C1orf21: variants seen among roughly 807,000 people sequenced by gnomAD.
The protein encoded by C1orf21 is chromosome 1 open reading frame 21, also known as uncharacterized protein C1orf21.
In C1orf21, 3 loss-of-function variants were observed where a neutral mutation model predicts 18.7. That is an observed-to-expected ratio of 0.16 (90% CI 0.07 to 0.42). C1orf21 has a LOEUF of 0.42. C1orf21 is among the 10% of genes least tolerant of loss of function. The pLI is 0.99. For missense variants in C1orf21, 104 were observed against 143.6 expected (o/e 0.72, Z 1.41); for synonymous variants, 41 against 46.4 (o/e 0.88, Z 0.47).
At chr1:184,512,688 T>A (rs1305112714) in intron 3 of C1orf21, among the ~76,000 whole-genome samples, 1 of 152,178 alleles carries the variant, frequency 6.6e-6, no homozygotes, top group Non-Finnish European at 1.5e-5. Context: ...CATTTCTAGC[T>A]TTATAATTTT....
At chr1:184,402,340 A>C (rs1656170076) in intron 1 of C1orf21, among the ~76,000 whole-genome samples, 1 of 149,792 alleles carries the variant, frequency 6.7e-6, no homozygotes. Context: ...TTTTTGCAAC[A>C]TGGCTATCTG....
At chr1:184,587,422 TG>T (rs1202122210) in intron 3 of C1orf21, among the ~76,000 whole-genome samples, 1 of 152,010 alleles carries the variant, frequency 6.6e-6, no homozygotes, top group East Asian at 1.9e-4. Context: ...TCCATAAACG[TG>T]GAATGTTTTT....
chr1:184,614,901 A>G (rs933147210), intron 5 of C1orf21, among the ~76,000 whole-genome samples: 1 of 152,144 alleles, frequency 6.6e-6, no homozygotes, highest in African/African-American at 2.4e-5. Context: ...CGCTCACTTC[A>G]TGCTGTGTGG....
intron 3 of C1orf21, among the ~76,000 whole-genome samples, chr1:184,586,922 C>T (rs938287057): frequency 6.6e-6 from 1 of 152,116 alleles, no homozygotes; most frequent in Non-Finnish European, 1.5e-5. Context: ...TTGGGTTTTA[C>T]ATTTAAGCCT....
chr1:184,569,703 A>G (rs1457222066), intron 3 of C1orf21, among the ~76,000 whole-genome samples: 2 of 152,234 alleles, frequency 1.3e-5, no homozygotes, highest in Non-Finnish European at 2.9e-5. Flanking sequence ...AAAAAATAAA[A>G]TAGATAATAA....
chr1:184,531,564 G>C (rs924928490), intron 3 of C1orf21, among the ~76,000 whole-genome samples: 1 of 152,014 alleles, frequency 6.6e-6, no homozygotes, highest in Non-Finnish European at 1.5e-5. Flanking sequence ...GATGTCCAAG[G>C]TTTATTTAAG....
intron 4 of C1orf21, among the ~76,000 whole-genome samples, chr1:184,591,577 C>T (rs371427843): frequency 4.6e-5 from 7 of 152,076 alleles, no homozygotes; most frequent in East Asian, 1.9e-4. Context: ...GAGGCCAAGG[C>T]GGGAGGATCA....
chr1:184,421,710 A>G (rs1656549648), intron 1 of C1orf21, among the ~76,000 whole-genome samples: 2 of 152,218 alleles, frequency 1.3e-5, no homozygotes, highest in South Asian at 4.1e-4. Flanking sequence ...GTCTTAAAAA[A>G]TAAATCATAG....
intron 1 of C1orf21, among the ~76,000 whole-genome samples, chr1:184,432,431 A>G (rs774773455): frequency 1.3e-5 from 2 of 152,152 alleles, no homozygotes; most frequent in Non-Finnish European, 2.9e-5. Flanking sequence ...AGAAAACCAA[A>G]CACTGCATGT....
chr1:184,424,481 C>T (rs1656600491), intron 1 of C1orf21, among the ~76,000 whole-genome samples: 1 of 152,164 alleles, frequency 6.6e-6, no homozygotes, highest in Non-Finnish European at 1.5e-5. Context: ...GATAACCCTT[C>T]CCAAACGTTC....
chr1:184,547,123 T>G (rs1213001336), intron 3 of C1orf21, among the ~76,000 whole-genome samples: 2 of 152,096 alleles, frequency 1.3e-5, no homozygotes, highest in Non-Finnish European at 2.9e-5. Flanking sequence ...CCTGGGATAT[T>G]CCAGGAACTG....
intron 3 of C1orf21, among the ~76,000 whole-genome samples, chr1:184,524,491 T>G (rs1658350825): frequency 6.6e-6 from 1 of 152,056 alleles, no homozygotes. Context: ...GAACATTGCA[T>G]AAGATGGAAA....
At chr1:184,404,348 C>G (rs1338708460) in intron 1 of C1orf21, among the ~76,000 whole-genome samples, 2 of 152,080 alleles carry the variant, frequency 1.3e-5, no homozygotes, top group Admixed American at 1.3e-4. Context: ...TTATAAAGAA[C>G]AAAAATTTAT....
chr1:184,493,758 A>T (rs1657850271), intron 2 of C1orf21, among the ~76,000 whole-genome samples: 1 of 152,142 alleles, frequency 6.6e-6, no homozygotes, highest in South Asian at 2.1e-4. Context: ...CACTCAAGAG[A>T]TGTCTTTTTA....
chr1:184,545,576 T>A (rs754086017), intron 3 of C1orf21, among the ~76,000 whole-genome samples: 1 of 152,148 alleles, frequency 6.6e-6, no homozygotes, highest in Non-Finnish European at 1.5e-5. Flanking sequence ...TACAGATCTT[T>A]ATTTTCCAAG....
chr1:184,557,984 T>C (rs185234813), intron 3 of C1orf21, among the ~76,000 whole-genome samples: 64 of 152,322 alleles, frequency 4.2e-4, no homozygotes, highest in Non-Finnish European at 8.8e-5. Context: ...ACAGGTTTCA[T>C]TGTGATAAAC....
chr1:184,573,969 C>A (rs1659149609), intron 3 of C1orf21, among the ~76,000 whole-genome samples: 1 of 152,028 alleles, frequency 6.6e-6, no homozygotes, highest in Non-Finnish European at 1.5e-5. Flanking sequence ...CCGAGGTAGG[C>A]AGATCACCTG....
chr1:184,532,688 A>G (rs1658486369), intron 3 of C1orf21, among the ~76,000 whole-genome samples: 1 of 152,252 alleles, frequency 6.6e-6, no homozygotes, highest in Non-Finnish European at 1.5e-5. Context: ...TCAAGTTTAC[A>G]GTGAGCTATG....
intron 1 of C1orf21, among the ~76,000 whole-genome samples, chr1:184,434,438 G>GTT (rs1349435877): frequency 6.6e-6 from 1 of 152,212 alleles, no homozygotes; most frequent in African/African-American, 2.4e-5. Flanking sequence ...GCTAGGCACT[G>GTT]TTTCAGACAC....
Sources: allele counts gnomAD v4.1 joint callset (sites outside exome capture counted in the v4.1 genomes callset), GRCh38; gene constraint gnomAD v4.1.1; transcripts MANE v1.5; gene names NCBI Gene and HGNC (gene_info 2026-07-23, HGNC 2026-07-21).